PRR16: variants seen among roughly 807,000 people sequenced by gnomAD.
PRR16 encodes the protein proline rich 16, also known as protein Largen.
A neutral mutation model predicts 18.2 loss-of-function variants in PRR16; 6 were observed. The ratio of observed to expected loss-of-function variants is 0.33; its 90% confidence interval spans 0.18 to 0.65. The LOEUF is 0.65. Ranked by LOEUF, PRR16 falls within the 30% of genes least tolerant of loss-of-function variation. PRR16 has a pLI of 0.74. For synonymous variants in PRR16, 151 were observed against 147.8 expected, an observed-to-expected ratio of 1.02 and a Z score of -0.16; for missense variants, 412 against 376.6, an observed-to-expected ratio of 1.09 and a Z score of -0.78.
chr5:120,535,327 A>G (rs920510377), intron 1 of PRR16, among the ~76,000 whole-genome samples: 4 of 152,232 alleles, frequency 2.6e-5, no homozygotes, highest in African/African-American at 9.6e-5. Context: ...CAAATTCCTC[A>G]AATGTTAATA....
chr5:120,671,478 A>G (rs1259177734), intron 1 of PRR16, among the ~76,000 whole-genome samples: 2 of 152,144 alleles, frequency 1.3e-5, no homozygotes, highest in East Asian at 1.9e-4. Flanking sequence ...TATTATTTCT[A>G]CAGTGAAAAT....
chr5:120,464,916 CTGTG>C (rs772966063), intron 1 of PRR16, among the ~76,000 whole-genome samples: 1 of 151,964 alleles, frequency 6.6e-6, no homozygotes, highest in Non-Finnish European at 1.5e-5. Flanking sequence ...GTCTCTGAAT[CTGTG>C]TGTGTGACGA....
intron 1 of PRR16, among the ~76,000 whole-genome samples, chr5:120,603,801 A>T (rs1244017644): frequency 6.6e-6 from 1 of 151,762 alleles, no homozygotes; most frequent in Non-Finnish European, 1.5e-5. Flanking sequence ...TGTCTTAATT[A>T]CTTTTTTTCA....
intron 1 of PRR16, among the ~76,000 whole-genome samples, chr5:120,648,643 A>G (rs1755675151): frequency 6.6e-6 from 1 of 152,170 alleles, no homozygotes; most frequent in African/African-American, 2.4e-5. Context: ...CAAAACAAAT[A>G]TCTTTAAAGA....
chr5:120,762,507 G>A, the PRR16 span, among the ~76,000 whole-genome samples: 2 of 151,906 alleles, frequency 1.3e-5, no homozygotes, highest in Non-Finnish European at 2.9e-5. Context: ...GTTTTGTTTT[G>A]TTTTTTAGAA....
At chr5:120,535,103 GTA>G (rs1751672499) in intron 1 of PRR16, among the ~76,000 whole-genome samples, 1 of 151,590 alleles carries the variant, frequency 6.6e-6, no homozygotes, top group Non-Finnish European at 1.5e-5. Flanking sequence ...GTGTGTGTGT[GTA>G]AAAGCCTATG....
At chr5:120,763,385 T>G in the PRR16 span, among the ~76,000 whole-genome samples, 7 of 152,038 alleles carry the variant, frequency 4.6e-5, no homozygotes, top group Non-Finnish European at 8.8e-5. Context: ...CAGCCTGCCT[T>G]GGACTCCCAA....
At chr5:120,556,544 TG>T (rs1160174372) in intron 1 of PRR16, among the ~76,000 whole-genome samples, 1 of 151,946 alleles carries the variant, frequency 6.6e-6, no homozygotes, top group East Asian at 1.9e-4. Flanking sequence ...TGGTATAGCC[TG>T]TAGATACTCA....
intron 1 of PRR16, among the ~76,000 whole-genome samples, chr5:120,522,289 C>A (rs945134731): frequency 8.5e-5 from 13 of 152,192 alleles, no homozygotes; most frequent in African/African-American, 2.9e-4. Flanking sequence ...GTCCCACCAA[C>A]AGTGTAAAAG....
At chr5:120,780,274 C>G in the PRR16 span, among the ~76,000 whole-genome samples, 1 of 152,086 alleles carries the variant, frequency 6.6e-6, no homozygotes, top group Non-Finnish European at 1.5e-5. Context: ...TAGCCTATAA[C>G]TAAGGAAGTA....
chr5:120,650,374 A>G (rs1390330741), intron 1 of PRR16, among the ~76,000 whole-genome samples: 1 of 151,646 alleles, frequency 6.6e-6, no homozygotes, highest in South Asian at 2.1e-4. Context: ...CATGTGCACA[A>G]CATGCAGGTT....
intron 1 of PRR16, among the ~76,000 whole-genome samples, chr5:120,577,428 A>G (rs549621886): frequency 6.6e-6 from 1 of 151,794 alleles, no homozygotes; most frequent in East Asian, 1.9e-4. Flanking sequence ...TGACTGGCAT[A>G]CTAGTTCAGT....
At chr5:120,518,667 T>C (rs1271614578) in intron 1 of PRR16, among the ~76,000 whole-genome samples, 1 of 152,060 alleles carries the variant, frequency 6.6e-6, no homozygotes, top group Non-Finnish European at 1.5e-5. Flanking sequence ...ACAATAAACA[T>C]CACATTTCCA....
At chr5:120,504,577 C>T (rs1750578457) in intron 1 of PRR16, among the ~76,000 whole-genome samples, 1 of 152,084 alleles carries the variant, frequency 6.6e-6, no homozygotes, top group African/African-American at 2.4e-5. Context: ...AGTCGCCCTT[C>T]ACGGGGTTGA....
the PRR16 span, among the ~76,000 whole-genome samples, chr5:120,735,723 ATTCT>A: frequency 1.3e-5 from 2 of 151,944 alleles, no homozygotes; most frequent in Non-Finnish European, 2.9e-5. Context: ...ATTTTTATAT[ATTCT>A]TTATATATCC....
chr5:120,726,945 T>C, the PRR16 span, among the ~76,000 whole-genome samples: 1 of 152,058 alleles, frequency 6.6e-6, no homozygotes, highest in African/African-American at 2.4e-5. Flanking sequence ...GTTTTCTACA[T>C]TTGTCTTCTA....
At position 120,530,276 on chromosome 5, in the gene PRR16, TATATA is replaced by T. The variant is rs1561533117; in HGVS notation, c.159+65632_159+65636del. Reference sequence around the variant, plus strand: ...GTAAATATATATATATATATATATATATATATATTTATTTATTTATTTATTTATTT... The same window carrying T: ...GTAAATATATATATATATATATATATTATTTATTTATTTATTTATTTATTT... On this transcript the variant is annotated intron_variant, in intron 1 of 1. Coordinates refer to ENST00000407149, the MANE Select transcript of PRR16 (RefSeq NM_001300783.2). 6.4e-3 allele frequency among the ~76,000 whole-genome samples: 797 copies of T among 124,768 alleles called. 13 individuals carry two copies. Among genetic ancestry groups the T allele is most frequent in the African/African-American group, 0.026 (746 of 28,528 alleles). 81.9% of individuals were successfully genotyped at this position (124,768 alleles called of 152,430 possible).
the PRR16 span, among the ~76,000 whole-genome samples, chr5:120,697,234 G>A: frequency 6.6e-6 from 1 of 152,114 alleles, no homozygotes; most frequent in African/African-American, 2.4e-5. Context: ...CTTTTAGTTA[G>A]GTTTATATTT....
chr5:120,486,591 T>G (rs1749808781), intron 1 of PRR16, among the ~76,000 whole-genome samples: 1 of 152,222 alleles, frequency 6.6e-6, no homozygotes, highest in Non-Finnish European at 1.5e-5. Context: ...TCCCATTCTG[T>G]AGGTTGCCTG....
Sources: gnomAD v4.1 joint callset for allele counts (sites outside exome capture counted in the v4.1 genomes callset) on GRCh38, gnomAD v4.1.1 for gene constraint, MANE v1.5 for transcripts, NCBI Gene and HGNC (gene_info 2026-07-23, HGNC 2026-07-21) for gene names.